IMMP1L: variants seen among roughly 807,000 people sequenced by gnomAD.
IMMP1L encodes the protein inner mitochondrial membrane peptidase subunit 1.
IMMP1L carries 24 observed loss-of-function variants against 21.8 expected under a neutral mutation model. The observed-to-expected ratio is 1.10, with a 90% CI of 0.80 to 1.55. The LOEUF is 1.55. IMMP1L is among the 40% of genes most tolerant of loss of function. The pLI, the probability that IMMP1L is intolerant of heterozygous loss-of-function variation, is 0.00. For synonymous variants in IMMP1L, 46 were observed against 62.8 expected (o/e 0.73, Z 1.26); for missense variants, 195 against 200.7 (o/e 0.97, Z 0.17).
At chr11:31,445,657 C>A (rs1953489658) in intron 4 of IMMP1L, among the ~76,000 whole-genome samples, 1 of 151,846 alleles carries the variant, frequency 6.6e-6, no homozygotes, top group Non-Finnish European at 1.5e-5. Context: ...TCAAACCCAG[C>A]AGATTATTTA....
chr11:31,482,522 C>G (rs1241474815), intron 1 of IMMP1L, among the ~76,000 whole-genome samples: 2 of 151,896 alleles, frequency 1.3e-5, no homozygotes, highest in Non-Finnish European at 2.9e-5. Context: ...GACAGGCTAA[C>G]AGAAAAGTGG....
intron 1 of IMMP1L, among the ~76,000 whole-genome samples, chr11:31,497,398 T>G (rs1203846822): frequency 6.6e-6 from 1 of 152,000 alleles, no homozygotes; most frequent in Non-Finnish European, 1.5e-5. Context: ...GAATACAGGT[T>G]ATTAGTGGTT....
intron 1 of IMMP1L, among the ~76,000 whole-genome samples, chr11:31,466,042 A>C (rs957795255): frequency 1.3e-5 from 2 of 152,146 alleles, no homozygotes; most frequent in African/African-American, 2.4e-5. Flanking sequence ...AATATCTAGA[A>C]TATACAAGGA....
Position 31,460,609 on chromosome 11 carries a change from C to A in IMMP1L, c.194+17G>T, listed in dbSNP as rs1421513177. The A allele has an allele frequency of 1.3e-6, 2 of 1,482,682 alleles. No homozygotes were observed. Among genetic ancestry groups the A allele is most frequent in the South Asian group, 1.1e-5 (1 of 87,714 alleles). 91.8% of individuals were successfully genotyped at this position (1,482,682 alleles called of 1,614,324 possible). On this transcript the variant is annotated intron_variant, in intron 3 of 5. Coordinates refer to ENST00000532287, the MANE Select transcript of IMMP1L (RefSeq NM_001304274.2). Reference sequence around the variant, plus strand: ...TATTTTCACTGTAAATTTAATATATCCATGACAGAAATTTACCTTTGGATA... The same window carrying A: ...TATTTTCACTGTAAATTTAATATATACATGACAGAAATTTACCTTTGGATA...
At chr11:31,448,163 G>A (rs1184693996) in intron 4 of IMMP1L, among the ~76,000 whole-genome samples, 1 of 152,064 alleles carries the variant, frequency 6.6e-6, no homozygotes, top group African/African-American at 2.4e-5. Context: ...ACAAAAATTA[G>A]CCGGGCATGG....
At chr11:31,465,569 C>A (rs1954306513) in intron 1 of IMMP1L, among the ~76,000 whole-genome samples, 1 of 151,958 alleles carries the variant, frequency 6.6e-6, no homozygotes, top group Admixed American at 6.6e-5. Flanking sequence ...CTATAGTAAC[C>A]AAAACAGCAT....
chr11:31,448,549 T>G (rs761177199), intron 4 of IMMP1L, among the ~76,000 whole-genome samples: 10 of 152,214 alleles, frequency 6.6e-5, no homozygotes, highest in Non-Finnish European at 1.2e-4. Context: ...TTTACTCAAC[T>G]GTATCCTGCC....
chr11:31,438,930 T>G (rs1953218114), intron 4 of IMMP1L, among the ~76,000 whole-genome samples: 1 of 152,176 alleles, frequency 6.6e-6, no homozygotes, highest in African/African-American at 2.4e-5. Context: ...TATATTTTCA[T>G]CCTCATCAGT....
At chr11:31,491,445 G>A (rs1955253953) in intron 1 of IMMP1L, among the ~76,000 whole-genome samples, 1 of 152,190 alleles carries the variant, frequency 6.6e-6, no homozygotes, top group Non-Finnish European at 1.5e-5. Context: ...GTTGTAAAGT[G>A]GCAGAAAACT....
Position 31,433,446 on chromosome 11 carries a change from G to T in IMMP1L, c.432+14C>A. 2 of 1,407,074 alleles carry T rather than the reference G, an allele frequency of 1.4e-6. No individual in the cohort carries two copies. Among genetic ancestry groups the T allele is most frequent in the Non-Finnish European group, 2.0e-6 (2 of 1,016,302 alleles). The allele number at this position is 1,407,074 out of a possible 1,614,324, so 87.2% of individuals were successfully genotyped here. ...TCAGAAAATAAACCTTACATTTTAA[G>T]CAGAAAATGGTACCTTAAAGAAGAT... On this transcript the variant is annotated intron_variant, in intron 5 of 5. Coordinates refer to ENST00000532287, the MANE Select transcript of IMMP1L (RefSeq NM_001304274.2).
chr11:31,443,755 G>T lies in IMMP1L; in HGVS notation c.322-10185C>A, dbSNP rs2133573928. Among the ~76,000 whole-genome samples the T allele has an allele frequency of 1.3e-5, 2 of 152,196 alleles. 1 individual carries two copies. The highest frequency in any genetic ancestry group is 4.1e-4 in the South Asian group (2 of 4,822). On this transcript the variant is annotated intron_variant, in intron 4 of 5. Coordinates refer to ENST00000532287, the MANE Select transcript of IMMP1L (RefSeq NM_001304274.2). ...GCTGTCCTATCTACATCATTGCTGG[G>T]AACTGTTATTGCCCTTCCCTTCTTA... is the stretch of plus-strand genomic sequence containing the variant.
In IMMP1L at chr11:31,502,728, A is replaced by T. The variant is rs146851985; in HGVS notation, c.-30+6791T>A. ...ACTCTGGTTGACACGTGAAAGGAAC[A>T]CCAGTCAGCCGTTATTTAATTCCTC... On this transcript the variant is annotated intron_variant, in intron 1 of 5. Coordinates refer to ENST00000532287, the MANE Select transcript of IMMP1L (RefSeq NM_001304274.2). Among the ~76,000 whole-genome samples the T allele has an allele frequency of 1.5e-3, 235 of 152,320 alleles. 1 individual carries two copies. Among genetic ancestry groups the T allele is most frequent in the African/African-American group, 5.4e-3 (225 of 41,566 alleles).
intron 1 of IMMP1L, among the ~76,000 whole-genome samples, chr11:31,492,096 T>A (rs1955276223): frequency 6.6e-6 from 1 of 152,204 alleles, no homozygotes; most frequent in African/African-American, 2.4e-5. Context: ...AAGCCAGGCA[T>A]TGACTTCTCT....
In IMMP1L at chr11:31,438,560, G is replaced by A. The variant is rs545721332; in HGVS notation, c.322-4990C>T. 7.9e-5 allele frequency among the ~76,000 whole-genome samples: 12 copies of A among 151,948 alleles called. No homozygotes were observed. The East Asian group carries it at 1.9e-3, about 24-fold the overall frequency. On this transcript the variant is annotated intron_variant, in intron 4 of 5. Transcript: ENST00000532287. The stretch of plus-strand genomic sequence containing the variant: ...TTTCCTATTGTGTTTCGTGCTTTTC[G>A]TGTCCTAAGAAATCTTTACCTGCCC...
rs907963581 is a variant in IMMP1L, at chr11:31,469,766, C to G, written c.-29-6461G>C. ...ATGAACAGGATACACACAAAACACA[C>G]AGCTACATCCAGGCACAGTAGAGTC... On this transcript the variant is annotated intron_variant, in intron 1 of 5. Coordinates refer to ENST00000532287, the MANE Select transcript of IMMP1L (RefSeq NM_001304274.2). The G allele has an allele frequency of 5.3e-5, 8 of 152,278 alleles. No homozygotes were observed. The East Asian group carries it at 1.5e-3, about 29-fold the overall frequency. The allele number at this position is 152,278 out of a possible 1,614,324, so 9.4% of individuals were successfully genotyped here. A position where few individuals can be genotyped will look rare whatever the true frequency, so the allele number is the denominator to read the frequency against.
intron 1 of IMMP1L, among the ~76,000 whole-genome samples, chr11:31,482,746 A>AT (rs1223729145): frequency 6.6e-6 from 1 of 152,048 alleles, no homozygotes; most frequent in African/African-American, 2.4e-5. Context: ...CTCGCATACT[A>AT]TAAATATAGC....
At chr11:31,498,254 T>TA (rs1195527209) in intron 1 of IMMP1L, among the ~76,000 whole-genome samples, 3 of 152,100 alleles carry the variant, frequency 2.0e-5, no homozygotes, top group Non-Finnish European at 4.4e-5. Flanking sequence ...CTTTGGGAAA[T>TA]AAAAAATATA....
chr11:31,450,005 A>C (rs1953685274), intron 4 of IMMP1L, among the ~76,000 whole-genome samples: 3 of 152,170 alleles, frequency 2.0e-5, no homozygotes, highest in Admixed American at 2.0e-4. Context: ...GGTAGCTACT[A>C]TGGTTAAGAC....
chr11:31,452,728 A>C, intron 4 of IMMP1L: 1 of 1,018,080 alleles, frequency 9.8e-7, no homozygotes, highest in Middle Eastern at 4.9e-4. Context: ...CTTCAAAATA[A>C]GGAAAGCAAA....
Sources: allele counts gnomAD v4.1 joint callset (sites outside exome capture counted in the v4.1 genomes callset), GRCh38; gene constraint gnomAD v4.1.1; transcripts MANE v1.5; gene names NCBI Gene and HGNC (gene_info 2026-07-23, HGNC 2026-07-21).